VPS13B: variants seen among roughly 807,000 people sequenced by gnomAD.
VPS13B encodes the protein vacuolar protein sorting 13 homolog B.
VPS13B carries 285 observed loss-of-function variants against 426.4 expected under a neutral mutation model. The observed-to-expected ratio is 0.67, with a 90% CI of 0.61 to 0.74. VPS13B has a LOEUF of 0.74. Among genes scored for constraint, VPS13B ranks in the 30% least tolerant of loss-of-function variants. The pLI is 0.00. For missense variants in VPS13B, 4,537 were observed against 4,782.6 expected, an observed-to-expected ratio of 0.95 and a Z score of 1.51; for synonymous variants, 1,676 against 1,676.4, an observed-to-expected ratio of 1.00 and a Z score of 0.01.
intron 21 of VPS13B, among the ~76,000 whole-genome samples, chr8:99,403,770 T>A (rs535025536): frequency 6.6e-6 from 1 of 152,280 alleles, no homozygotes; most frequent in Non-Finnish European, 1.5e-5. Context: ...TGAGGTTAAC[T>A]CCAGCTATTC....
chr8:99,371,569 G>A (rs1300598072), intron 19 of VPS13B, among the ~76,000 whole-genome samples: 2 of 152,180 alleles, frequency 1.3e-5, no homozygotes, highest in Non-Finnish European at 2.9e-5. Context: ...GGCTATATGG[G>A]CCATGTGAAC....
At chr8:99,871,307 C>T in intron 60 of VPS13B, 141 bp from the exon 61 acceptor site, 1 of 1,276,842 alleles carries the variant, frequency 7.8e-7, no homozygotes, top group Non-Finnish European at 1.1e-6. Context: ...CTGACAATTA[C>T]ATTTCAAGCT....
intron 19 of VPS13B, among the ~76,000 whole-genome samples, chr8:99,305,356 A>T (rs1297735842): frequency 6.6e-6 from 1 of 152,186 alleles, no homozygotes; most frequent in Non-Finnish European, 1.5e-5. Context: ...AACTGTTTAC[A>T]TGACATTTAC....
chr8:99,421,458 T>G (rs1178015978), intron 21 of VPS13B, among the ~76,000 whole-genome samples: 1 of 152,058 alleles, frequency 6.6e-6, no homozygotes, highest in African/African-American at 2.4e-5. Flanking sequence ...TAGGAGTCAT[T>G]GTATGGGGAT....
At chr8:99,394,121 G>GTATAATCAC (rs1469469204) in intron 21 of VPS13B, among the ~76,000 whole-genome samples, 1 of 151,964 alleles carries the variant, frequency 6.6e-6, no homozygotes, top group Non-Finnish European at 1.5e-5. Context: ...GTAGCATTAG[G>GTATAATCAC]TATAATCACA....
intron 19 of VPS13B, among the ~76,000 whole-genome samples, chr8:99,349,431 C>T (rs1811746509): frequency 6.6e-6 from 1 of 151,704 alleles, no homozygotes; most frequent in African/African-American, 2.4e-5. Context: ...TAAGATCCCC[C>T]ACAAATGTAC....
Position 99,617,818 on chromosome 8 carries a change from A to G in VPS13B, c.5221-23993A>G, listed in dbSNP as rs190587319. On this transcript the variant is annotated intron_variant, in intron 33 of 61. Coordinates refer to ENST00000357162, the MANE Select transcript of VPS13B (RefSeq NM_152564.5). The stretch of plus-strand genomic sequence containing the variant: ...AGGCTTTGTTGTTTTAAGATGGCAA[A>G]GTGTATAAATGGTGCCAGTCCCTGC... 8.8e-4 allele frequency among the ~76,000 whole-genome samples: 134 copies of G among 152,306 alleles called. 2 individuals are homozygous for G. The highest frequency in any genetic ancestry group is 3.2e-3 in the African/African-American group (132 of 41,580).
At chr8:99,640,022 T>TAAGAAGAAGAAGAAGAAGAAGAAG (rs1278292892) in intron 33 of VPS13B, among the ~76,000 whole-genome samples, 1 of 89,408 alleles carries the variant, frequency 1.1e-5, no homozygotes, top group African/African-American at 4.1e-5. Flanking sequence ...ATAATAATAA[T>TAAGAAGAAGAAGAAGAAGAAGAAG]AATAAGAAGA....
At chr8:99,397,925 A>G (rs1029425292) in intron 21 of VPS13B, among the ~76,000 whole-genome samples, 3 of 152,226 alleles carry the variant, frequency 2.0e-5, no homozygotes, top group Non-Finnish European at 2.9e-5. Flanking sequence ...CTTTAAGGCC[A>G]TGTACCTGGC....
At chr8:99,254,742 A>C (rs1817663685) in intron 17 of VPS13B, among the ~76,000 whole-genome samples, 1 of 152,032 alleles carries the variant, frequency 6.6e-6, no homozygotes, top group Admixed American at 6.6e-5. Flanking sequence ...CCACAGGCTC[A>C]AGTGATTCTC....
intron 30 of VPS13B, among the ~76,000 whole-genome samples, chr8:99,543,211 A>G (rs1008283708): frequency 6.6e-6 from 1 of 152,212 alleles, no homozygotes; most frequent in African/African-American, 2.4e-5. Context: ...AGCAATGGGG[A>G]AAGGATTCCC....
intron 17 of VPS13B, among the ~76,000 whole-genome samples, chr8:99,255,881 A>G (rs1230302456): frequency 1.3e-5 from 2 of 152,176 alleles, no homozygotes; most frequent in Non-Finnish European, 2.9e-5. Flanking sequence ...TTGAGTTAAA[A>G]GTCTAGGCCT....
intron 51 of VPS13B, among the ~76,000 whole-genome samples, chr8:99,825,098 TG>T (rs1456222632): frequency 2.4e-4 from 37 of 152,228 alleles, no homozygotes; most frequent in Non-Finnish European, 2.5e-4. Context: ...TACCCAGTAA[TG>T]GGATTGCTGG....
intron 38 of VPS13B, 63 bp from the exon 39 acceptor site, chr8:99,720,800 A>G (rs998868632): frequency 5.6e-5 from 82 of 1,455,700 alleles, no homozygotes; most frequent in Non-Finnish European, 1.2e-5. Context: ...TTCTTCCTTT[A>G]CTTTTTCCCC....
intron 17 of VPS13B, among the ~76,000 whole-genome samples, chr8:99,243,540 T>C (rs551542494): frequency 2.0e-5 from 3 of 152,048 alleles, no homozygotes; most frequent in African/African-American, 4.8e-5. Flanking sequence ...GAAATATACA[T>C]GTAAAGTTAA....
chr8:99,481,328 C>T (rs555817414), intron 24 of VPS13B, among the ~76,000 whole-genome samples: 20 of 152,158 alleles, frequency 1.3e-4, no homozygotes, highest in Admixed American at 1.2e-3. Flanking sequence ...TTCTATTGTT[C>T]ACATATTGAA....
At chr8:99,641,682 G>T in intron 33 of VPS13B, 129 bp from the exon 34 acceptor site, 1 of 870,280 alleles carries the variant, frequency 1.1e-6, no homozygotes, top group Non-Finnish European at 1.7e-6. Flanking sequence ...CTATTTTTCT[G>T]ATTACTGTTT....
intron 16 of VPS13B, among the ~76,000 whole-genome samples, chr8:99,171,635 C>G (rs1395021086): frequency 6.6e-6 from 1 of 151,824 alleles, no homozygotes; most frequent in Non-Finnish European, 1.5e-5. Context: ...CAATTAAATA[C>G]TGAAAGCATG....
intron 24 of VPS13B, among the ~76,000 whole-genome samples, chr8:99,468,063 C>T (rs764178435): frequency 7.2e-5 from 11 of 152,144 alleles, no homozygotes; most frequent in Non-Finnish European, 1.5e-4. Flanking sequence ...AGATTTGTCA[C>T]ATATGTATAC....
Sources: gnomAD v4.1 joint callset for allele counts (sites outside exome capture counted in the v4.1 genomes callset) on GRCh38, gnomAD v4.1.1 for gene constraint, MANE v1.5 for transcripts, NCBI Gene and HGNC (gene_info 2026-07-23, HGNC 2026-07-21) for gene names.